The following BRAF variants were observed in gnomAD, a reference collection of about 807,000 sequenced individuals.
BRAF encodes serine/threonine-protein kinase B-raf.
Under a neutral mutation model 104.6 loss-of-function variants are expected in BRAF, and 16 were observed. The ratio of observed to expected loss-of-function variants is 0.15; its 90% CI spans 0.10 to 0.23. The LOEUF (loss-of-function observed/expected upper bound fraction) is 0.23. Among genes scored for constraint, BRAF ranks in the 10% least tolerant of loss-of-function variants. BRAF has a pLI of 1.00. For missense variants in BRAF, 541 were observed against 937.3 expected, an observed-to-expected ratio of 0.58 and a Z score of 5.52; for synonymous variants, 310 against 341.6, an observed-to-expected ratio of 0.91 and a Z score of 1.02.
chr7:140,783,866 G>A (rs1291743674), intron 10 of BRAF, among the ~76,000 whole-genome samples: 2 of 152,214 alleles, frequency 1.3e-5, no homozygotes, highest in Non-Finnish European at 2.9e-5. Flanking sequence ...GCTTTGTTAA[G>A]TAAGCGCTAT....
intron 19 of BRAF, among the ~76,000 whole-genome samples, chr7:140,728,124 A>C (rs1404220444): frequency 6.6e-6 from 1 of 152,230 alleles, no homozygotes. Context: ...AGCTGATAGT[A>C]TTAGTGACTG....
At chr7:140,775,582 G>A (rs990642611) in intron 14 of BRAF, among the ~76,000 whole-genome samples, 2 of 149,280 alleles carry the variant, frequency 1.3e-5, no homozygotes, top group Non-Finnish European at 3.0e-5. Flanking sequence ...CAGGTGATCC[G>A]CCTGCCTCGG....
In BRAF at chr7:140,871,706, A is replaced by T. The variant is rs192536756; in HGVS notation, c.139-21494T>A. 9.8e-5 allele frequency among the ~76,000 whole-genome samples: 15 copies of T among 152,338 alleles called. No homozygotes were observed. The South Asian group carries it at 1.5e-3, about 15-fold the overall frequency. Reference sequence around the variant, plus strand: ...AAGTATAAGGATTCTTAAATTGTAGAGCTGTGCTGTCCAATCTAGTAATCA... The same window carrying T: ...AAGTATAAGGATTCTTAAATTGTAGTGCTGTGCTGTCCAATCTAGTAATCA... On this transcript the variant is annotated intron_variant, in intron 1 of 19. Coordinates refer to ENST00000644969, the MANE Select transcript of BRAF (RefSeq NM_001374258.1).
In BRAF at chr7:140,719,631, T is replaced by A. The variant is rs2130814403; in HGVS notation, c.*6863A>T. On this transcript the variant is annotated 3_prime_UTR_variant, in exon 20 of 20. Transcript: ENST00000644969. ...TATGGGGGAGAATTAAAAAAAATAA[T>A]AAAAGATTCAAGCAAACATTGAGAA... 1 of 1,062,760 alleles carries A rather than the reference T, an allele frequency of 9.4e-7. No homozygotes were observed. Among genetic ancestry groups the A allele is most frequent in the East Asian group, 5.0e-5 (1 of 19,818 alleles). The allele number at this position is 1,062,760 out of a possible 1,614,324, so 65.8% of individuals were successfully genotyped here.
rs572866113 is a variant in BRAF at position 140,770,756 on chromosome 7, T to G, written c.1814+6156A>C. Among the ~76,000 whole-genome samples, 394 of 151,852 alleles carry G rather than the reference T, an allele frequency of 2.6e-3. 1 individual carries two copies. Among genetic ancestry groups the G allele is most frequent in the Middle Eastern group, 0.014 (4 of 292 alleles). ...TTCAAGACCAGCCTGGCCATCATGG[T>G]GAAAACCCGTTTACTAAAAATACAA... On this transcript the variant is annotated intron_variant, in intron 14 of 19. Transcript: ENST00000644969.
chr7:140,869,828 A>G (rs1223892983), intron 1 of BRAF, among the ~76,000 whole-genome samples: 1 of 152,216 alleles, frequency 6.6e-6, no homozygotes, highest in Non-Finnish European at 1.5e-5. Context: ...AGATTATAAA[A>G]TTATTCTGCA....
At chr7:140,816,202 ATGAG>A (rs1031889549) in intron 3 of BRAF, among the ~76,000 whole-genome samples, 1 of 152,220 alleles carries the variant, frequency 6.6e-6, no homozygotes, top group African/African-American at 2.4e-5. Context: ...TGAAGATTAA[ATGAG>A]TAAGTGAAAG....
At chr7:140,837,309 G>A (rs1011876161) in intron 2 of BRAF, among the ~76,000 whole-genome samples, 2 of 152,122 alleles carry the variant, frequency 1.3e-5, no homozygotes, top group African/African-American at 2.4e-5. Flanking sequence ...AAATGATCTC[G>A]ATTTAGAACC....
chr7:140,892,624 T>C (rs911103271), intron 1 of BRAF, among the ~76,000 whole-genome samples: 3 of 152,200 alleles, frequency 2.0e-5, no homozygotes, highest in Admixed American at 6.5e-5. Flanking sequence ...CTAGAGCATT[T>C]AGTACACAGC....
intron 7 of BRAF, among the ~76,000 whole-genome samples, chr7:140,797,107 T>C (rs1802569675): frequency 6.6e-6 from 1 of 152,170 alleles, no homozygotes; most frequent in African/African-American, 2.4e-5. Context: ...TTTCTCCCAA[T>C]GATACCTGTA....
Position 140,720,655 on chromosome 7 carries a change from T to C in BRAF, c.*5839A>G. The C allele has an allele frequency of 9.4e-7, 1 of 1,065,830 alleles. No individual in the cohort carries two copies. The highest frequency in any genetic ancestry group is 1.1e-6 in the Non-Finnish European group (1 of 879,610). 66.0% of individuals were successfully genotyped at this position (1,065,830 alleles called of 1,614,324 possible). On this transcript the variant is annotated 3_prime_UTR_variant, in exon 20 of 20. Coordinates refer to ENST00000644969, the MANE Select transcript of BRAF (RefSeq NM_001374258.1). ...CACATTAATTTTTCCCTATCCTAGA[T>C]TTACTGCCACCTCACCCCATTTTGG...
At chr7:140,876,152 A>G (rs1037387285) in intron 1 of BRAF, among the ~76,000 whole-genome samples, 2 of 152,216 alleles carry the variant, frequency 1.3e-5, no homozygotes, top group Non-Finnish European at 2.9e-5. Context: ...ACAGCCAACA[A>G]TAAGAGAAAA....
At chr7:140,768,049 A>G (rs1054403777) in intron 14 of BRAF, among the ~76,000 whole-genome samples, 1 of 152,198 alleles carries the variant, frequency 6.6e-6, no homozygotes, top group African/African-American at 2.4e-5. Flanking sequence ...GAGATATTTA[A>G]GAGTAAAAAG....
chr7:140,725,479 G>T lies in BRAF; in HGVS notation c.*1015C>A. The T allele has an allele frequency of 2.1e-6, 2 of 940,628 alleles. No individual in the cohort carries two copies. Among genetic ancestry groups the T allele is most frequent in the Non-Finnish European group, 2.6e-6 (2 of 773,468 alleles). 58.3% of individuals were successfully genotyped at this position (940,628 alleles called of 1,614,324 possible). A position where few individuals can be genotyped will look rare whatever the true frequency, so the allele number is the denominator to read the frequency against. ...AATTATTTTCTTTTTAATAAAAATAGAAAAGAAGAAACTCAGAAATTAAAA... is the reference window on the plus strand; with the variant it reads ...AATTATTTTCTTTTTAATAAAAATATAAAAGAAGAAACTCAGAAATTAAAA... On this transcript the variant is annotated 3_prime_UTR_variant, in exon 20 of 20. Coordinates refer to ENST00000644969, the MANE Select transcript of BRAF (RefSeq NM_001374258.1).
chr7:140,907,990 C>T (rs1816525963), intron 1 of BRAF, among the ~76,000 whole-genome samples: 1 of 152,168 alleles, frequency 6.6e-6, no homozygotes, highest in African/African-American at 2.4e-5. Context: ...GGTGATCCGC[C>T]TGCCTTGGCC....
chr7:140,734,103 T>G (rs1314598913), intron 19 of BRAF: 1 of 1,038,844 alleles, frequency 9.6e-7, no homozygotes, highest in Non-Finnish European at 1.2e-6. Context: ...TATAGAAAAA[T>G]TATTAAGAAT....
intron 2 of BRAF, among the ~76,000 whole-genome samples, chr7:140,847,011 C>T (rs531153927): frequency 2.4e-4 from 37 of 151,980 alleles, no homozygotes; most frequent in Admixed American, 1.4e-3. Context: ...AAAAATTAGT[C>T]GGGAGTCATA....
chr7:140,763,908 A>G (rs1157799310), intron 14 of BRAF, among the ~76,000 whole-genome samples: 1 of 152,216 alleles, frequency 6.6e-6, no homozygotes, highest in East Asian at 1.9e-4. Flanking sequence ...AACTATTCCA[A>G]TCAATAGAAA....
rs1795305986 is a variant in BRAF, at chr7:140,721,160, T to C, written c.*5334A>G. The C allele has an allele frequency of 7.5e-6, 8 of 1,063,878 alleles. No individual in the cohort carries two copies. The highest frequency in any genetic ancestry group is 1.6e-5 in the African/African-American group (1 of 61,076). 65.9% of individuals were successfully genotyped at this position (1,063,878 alleles called of 1,614,324 possible). ...CACACTCGTCAAGTCACTATAATTA[T>C]TCAAAATAGCTAAATAAATGTCAAC... On this transcript the variant is annotated 3_prime_UTR_variant, in exon 20 of 20. Coordinates refer to ENST00000644969, the MANE Select transcript of BRAF (RefSeq NM_001374258.1).
Sources: allele counts gnomAD v4.1 joint callset (sites outside exome capture counted in the v4.1 genomes callset), GRCh38; gene constraint gnomAD v4.1.1; transcripts MANE v1.5; gene names NCBI Gene and HGNC (gene_info 2026-07-23, HGNC 2026-07-21).